Variants in SCTR observed in about 807,000 individuals in gnomAD.
SCTR encodes pancreatic secretin receptor.
Under a neutral mutation model 60.8 loss-of-function variants are expected in SCTR, and 56 were observed. The ratio of observed to expected loss-of-function variants is 0.92; its 90% CI spans 0.74 to 1.15. The LOEUF (loss-of-function observed/expected upper bound fraction) is 1.15, where lower values mean the gene tolerates loss of function less well. Ranked by LOEUF, SCTR falls within the 50% of genes most tolerant of loss-of-function variation. The probability of loss-of-function intolerance (pLI) is 0.00; values close to 1 mark genes in which losing one functional copy is unlikely to be tolerated. For missense variants in SCTR, 562 were observed against 550.4 expected, an observed-to-expected ratio of 1.02 and a Z score of -0.21; for synonymous variants, 202 against 217.0, an observed-to-expected ratio of 0.93 and a Z score of 0.61.
chr2:119,473,923 C>A (rs976946667), intron 3 of SCTR, among the ~76,000 whole-genome samples: 4 of 152,190 alleles, frequency 2.6e-5, no homozygotes, highest in African/African-American at 9.7e-5. Context: ...CTCAGGCTCC[C>A]ATTTTTACTC....
intron 3 of SCTR, among the ~76,000 whole-genome samples, 196 bp from the exon 4 acceptor site, chr2:119,473,752 C>T (rs975342797): frequency 1.1e-4 from 16 of 152,178 alleles, no homozygotes; most frequent in Non-Finnish European, 4.4e-5. Flanking sequence ...GGCTCGGGCT[C>T]CAGAGCCCAA....
rs41279774 is a variant in SCTR, at chr2:119,473,534, T to C, written c.324A>G (p.Thr108=). ...GGAAGGTTTCTGACCAGCCATCCTGTGTGCAGTTTCGGAACAAGGAACCTG... is the reference window on the plus strand; with the variant it reads ...GGAAGGTTTCTGACCAGCCATCCTGCGTGCAGTTTCGGAACAAGGAACCTG... ...SRNGSLFRNC[T]QDGWSETFPR... The change falls in exon 4 of 13, where the codon ACA becomes ACG. Residue 108 remains threonine, a synonymous_variant. Transcript: ENST00000019103. The C allele has an allele frequency of 9.9e-3, 15,962 of 1,613,848 alleles. 100 individuals carry two copies. The highest frequency in any genetic ancestry group is 0.012 in the Non-Finnish European group (14,056 of 1,179,702).
intron 1 of SCTR, among the ~76,000 whole-genome samples, chr2:119,507,788 C>T (rs1471845479): frequency 2.0e-5 from 3 of 150,216 alleles, no homozygotes; most frequent in African/African-American, 7.3e-5. Flanking sequence ...AAGCGACTCT[C>T]CTGCCTCTGC....
intron 3 of SCTR, 51 bp downstream of exon 3, chr2:119,478,760 A>G (rs1223220676): frequency 2.5e-6 from 4 of 1,582,934 alleles, no homozygotes; most frequent in East Asian, 2.2e-5. Context: ...GGCCCCACCC[A>G]GAGGGACACC....
At chr2:119,480,626 T>G (rs955866104) in intron 2 of SCTR, 1 of 152,266 alleles carries the variant, frequency 6.6e-6, no homozygotes, top group Non-Finnish European at 1.5e-5. Flanking sequence ...GTATTCATTT[T>G]ATATTTGTGT....
chr2:119,467,037 T>G (rs1683864347), intron 4 of SCTR, among the ~76,000 whole-genome samples: 1 of 152,178 alleles, frequency 6.6e-6, no homozygotes, highest in African/African-American at 2.4e-5. Flanking sequence ...CTTCACACTA[T>G]TGGCTCATCT....
At chr2:119,487,341 TA>T in intron 2 of SCTR, 1 of 152,256 alleles carries the variant, frequency 6.6e-6, no homozygotes, top group South Asian at 2.1e-4. Flanking sequence ...AGGTACAAAA[TA>T]AAAAGCCTGT....
chr2:119,502,017 C>G (rs373056228), intron 1 of SCTR, among the ~76,000 whole-genome samples: 3 of 152,066 alleles, frequency 2.0e-5, no homozygotes, highest in African/African-American at 7.2e-5. Flanking sequence ...GCACTTTGGG[C>G]GGCCAAGGTA....
chr2:119,513,039 T>C (rs950466627), intron 1 of SCTR, among the ~76,000 whole-genome samples: 12 of 152,276 alleles, frequency 7.9e-5, no homozygotes, highest in African/African-American at 2.9e-4. Flanking sequence ...CTAAACAGCT[T>C]CTTGCCTGGT....
chr2:119,453,186 G>A, intron 8 of SCTR, 101 bp downstream of exon 8: 3 of 904,678 alleles, frequency 3.3e-6, no homozygotes, highest in Non-Finnish European at 5.4e-6. Context: ...TCTACTTTGA[G>A]AAAAAGGCCT....
chr2:119,466,969 C>T (rs1271221413), intron 4 of SCTR, among the ~76,000 whole-genome samples: 2 of 152,170 alleles, frequency 1.3e-5, no homozygotes, highest in Non-Finnish European at 2.9e-5. Context: ...CCCATCTCCC[C>T]TGATCTATAC....
At chr2:119,475,603 C>CAT (rs10643411) in intron 3 of SCTR, among the ~76,000 whole-genome samples, 89,431 of 143,418 alleles carry the variant, frequency 0.62, 29,220 homozygotes, top group East Asian at 0.84. Context: ...GATGTTTGTG[C>CAT]ATATATATAT....
intron 7 of SCTR, among the ~76,000 whole-genome samples, chr2:119,455,750 C>A (rs1031857654): frequency 6.6e-6 from 1 of 151,888 alleles, no homozygotes; most frequent in African/African-American, 2.4e-5. Context: ...CAACATTAGA[C>A]TAAAGGGAGT....
rs565388569 is a variant in SCTR, at chr2:119,508,842, C to T, written c.73-14294G>A. ...TGTGTGCGGTGAAAACACTTAAAAT[C>T]TACTCTCTAAGCAATTTTCAAAAAC... On this transcript the variant is annotated intron_variant, in intron 1 of 12. Transcript: ENST00000019103. 2.0e-5 allele frequency among the ~76,000 whole-genome samples: 3 copies of T among 152,290 alleles called. No homozygotes were observed. In the East Asian group the frequency reaches 5.8e-4, roughly 29 times the overall value.
intron 2 of SCTR, among the ~76,000 whole-genome samples, chr2:119,488,516 A>C (rs1221151661): frequency 6.6e-6 from 1 of 152,240 alleles, no homozygotes; most frequent in Non-Finnish European, 1.5e-5. Context: ...GGGGAGCCTT[A>C]GGGAAGAAAG....
intron 2 of SCTR, among the ~76,000 whole-genome samples, chr2:119,490,057 C>T (rs1361675725): frequency 6.6e-6 from 1 of 152,184 alleles, no homozygotes. Context: ...CTCTGGCTGG[C>T]CTTGTTGGTG....
chr2:119,518,077 T>A (rs999077893), intron 1 of SCTR, among the ~76,000 whole-genome samples: 1 of 152,164 alleles, frequency 6.6e-6, no homozygotes, highest in African/African-American at 2.4e-5. Context: ...AAAGTGGCCA[T>A]GTGCAAGCCA....
chr2:119,441,764 A>G, intron 11 of SCTR, 165 bp from the exon 12 acceptor site: 1 of 644,766 alleles, frequency 1.6e-6, no homozygotes, highest in Non-Finnish European at 2.8e-6. Context: ...TGGGCTGCCC[A>G]CGGTGGCCCT....
In SCTR at chr2:119,439,993, G is replaced by A. The variant is rs1682593184; in HGVS notation, c.*124C>T. On this transcript the variant is annotated 3_prime_UTR_variant, in exon 13 of 13. Transcript: ENST00000019103. ...TTCGGAAGAGTCCAAGGCCTGGGGA[G>A]GGGCATCTTCAGCTGAAGGAGGACA... The A allele has an allele frequency of 1.0e-6, 1 of 996,432 alleles. No individual in the cohort carries two copies. The highest frequency in any genetic ancestry group is 1.5e-6 in the Non-Finnish European group (1 of 681,238). 61.7% of individuals were successfully genotyped at this position (996,432 alleles called of 1,614,324 possible). A position where few individuals can be genotyped will look rare whatever the true frequency, so the allele number is the denominator to read the frequency against.
Sources: gnomAD v4.1 joint callset for allele counts (sites outside exome capture counted in the v4.1 genomes callset) on GRCh38, gnomAD v4.1.1 for gene constraint, MANE v1.5 for transcripts, NCBI Gene and HGNC (gene_info 2026-07-23, HGNC 2026-07-21) for gene names.